IGFLR1: variants seen among roughly 807,000 people sequenced by gnomAD.
The protein encoded by IGFLR1 is IGF-like family receptor 1.
A neutral mutation model predicts 23.4 loss-of-function variants in IGFLR1; 17 were observed. The ratio of observed to expected loss-of-function variants is 0.73; its 90% CI spans 0.50 to 1.09. The LOEUF is 1.09. Ranked by LOEUF, IGFLR1 falls within the 50% of genes least tolerant of loss-of-function variation. IGFLR1 has a pLI of 0.00. For missense variants in IGFLR1, 556 were observed against 459.2 expected (o/e 1.21, Z -1.93); for synonymous variants, 265 against 210.7 (o/e 1.26, Z -2.23).
chr19:35,738,877 G>A lies in IGFLR1; in HGVS notation c.*403C>T, dbSNP rs2146484601. The A allele has an allele frequency of 2.1e-6, 1 of 469,016 alleles. No individual in the cohort carries two copies. The highest frequency in any genetic ancestry group is 3.8e-6 in the Non-Finnish European group (1 of 263,882). 29.1% of individuals were successfully genotyped at this position (469,016 alleles called of 1,614,324 possible). On this transcript the variant is annotated 3_prime_UTR_variant, in exon 5 of 5. Transcript: ENST00000246532. This position sits in a 1 kb window ranked among gnomAD's most constrained non-coding sequence, Gnocchi z 8.7. ...CCACAATAAAGTCTGTCAATGTTTG[G>A]AGAGGTGGTCTTCCCATTTGTAGGC...
At chr19:35,740,794 T>G in intron 2 of IGFLR1, 1 of 634,074 alleles carries the variant, frequency 1.6e-6, no homozygotes, top group Non-Finnish European at 2.7e-6. Flanking sequence ...GCCCACCCTT[T>G]CCACGCGGCC....
intron 2 of IGFLR1, 116 bp downstream of exon 2, chr19:35,740,908 C>A (rs1394044647): frequency 7.2e-6 from 7 of 972,276 alleles, no homozygotes; most frequent in Non-Finnish European, 1.1e-5. Context: ...GCATAAGGCC[C>A]ACCGCTTAGA....
rs1162605469 is a variant in IGFLR1, at chr19:35,739,378, A to G, written c.970T>C (p.Ser324Pro). 8.7e-6 allele frequency: 14 copies of G among 1,613,050 alleles called. No homozygotes were observed. The highest frequency in any genetic ancestry group is 1.7e-4 in the Middle Eastern group (1 of 6,056). ...EMVVAREPSA[S>P]LGQLGTHLAQ... is the part of the protein sequence containing the mutation. Reference sequence around the variant, plus strand: ...AGGTGTGTGCCAAGCTGGCCCAGGGAGGCAGAGGGCTCCCTTGCCACCACC... The same window carrying G: ...AGGTGTGTGCCAAGCTGGCCCAGGGGGGCAGAGGGCTCCCTTGCCACCACC... The change falls in exon 5 of 5, where the codon TCC becomes CCC. Residue 324 changes from serine (S) to proline (P), a missense_variant. Ser to Pro is a moderately conservative substitution (Grantham distance 74). Transcript: ENST00000246532.
rs768859713 is a variant in IGFLR1, at chr19:35,739,398, A to G, written c.950T>C (p.Val317Ala). The change falls in exon 5 of 5, where the codon GTG becomes GCG. Residue 317 changes from valine to alanine, a missense_variant. Coordinates refer to ENST00000246532, the MANE Select transcript of IGFLR1 (RefSeq NM_024660.4). ...CAGGGAGGCAGAGGGCTCCCTTGCC[A>G]CCACCATCTCAATCAGAGCCCGCAG... ...SPLRALIEMV[V>A]AREPSASLGQ... 2 of 1,613,596 alleles carry G rather than the reference A, an allele frequency of 1.2e-6. No individual in the cohort carries two copies. Among genetic ancestry groups the G allele is most frequent in the South Asian group, 2.2e-5 (2 of 91,042 alleles).
At chr19:35,741,262 G>T in intron 1 of IGFLR1, 39 bp from the exon 2 acceptor site, 1 of 1,553,428 alleles carries the variant, frequency 6.4e-7, no homozygotes, top group Non-Finnish European at 8.7e-7. Flanking sequence ...GAAAGGACGC[G>T]GTGATGTGGG....
In IGFLR1 at chr19:35,740,362, C is replaced by T; in HGVS notation, c.342+18G>A. ...CACCTCCAGCACGCCCTTGCCCTGC[C>T]GGGAGTCCCATCTGCACCTCTCTGC... On this transcript the variant is annotated intron_variant, in intron 3 of 4. Coordinates refer to ENST00000246532, the MANE Select transcript of IGFLR1 (RefSeq NM_024660.4). The T allele has an allele frequency of 6.4e-7, 1 of 1,555,472 alleles. No individual in the cohort carries two copies. Among genetic ancestry groups the T allele is most frequent in the Non-Finnish European group, 8.7e-7 (1 of 1,151,522 alleles).
In IGFLR1 at chr19:35,740,393, C is replaced by A; in HGVS notation, c.329G>T (p.Trp110Leu). Residue 110 changes from tryptophan (W) to leucine (L), a missense_variant, in exon 3 of 5, where the codon TGG (tryptophan) becomes TTG (leucine). By Grantham distance (61) the Trp-to-Leu change is moderately conservative (BLOSUM62 -2). Transcript: ENST00000246532. ...TCCCATCTGCACCTCTCTGCAGCGC[C>A]ACGGGGTTCTGCCCCCGCCCGCGGC... ...TPAAGGGRTPWRCRERPVPAK... is the reference protein window; with the variant it reads ...TPAAGGGRTPLRCRERPVPAK... 6.3e-7 allele frequency: 1 copy of A among 1,599,664 alleles called. No individual in the cohort carries two copies. Among genetic ancestry groups the A allele is most frequent in the Non-Finnish European group, 8.5e-7 (1 of 1,174,156 alleles).
At position 35,740,041 on chromosome 19, in the gene IGFLR1, T is replaced by A; in HGVS notation, c.390A>T (p.Pro130=). Residue 130 remains proline, a synonymous_variant, in exon 4 of 5, where the codon CCA becomes CCT. Coordinates refer to ENST00000246532, the MANE Select transcript of IGFLR1 (RefSeq NM_024660.4). ...KGHCPLTPGN[P]GAPSSQERSS... is the part of the protein sequence containing the mutation. ...TGCGCTCCTGGGAGCTAGGGGCGCC[T>A]GGGTTTCCAGGTGTGAGGGGGCAGT... The A allele has an allele frequency of 6.2e-7, 1 of 1,613,834 alleles. No homozygotes were observed. Among genetic ancestry groups the A allele is most frequent in the Non-Finnish European group, 8.5e-7 (1 of 1,179,920 alleles).
chr19:35,739,389 T>A lies in IGFLR1; in HGVS notation c.959A>T (p.Glu320Val). ...AAGCTGGCCCAGGGAGGCAGAGGGC[T>A]CCCTTGCCACCACCATCTCAATCAG... The part of the protein sequence containing the change: ...RALIEMVVAR[E>V]PSASLGQLGT... Residue 320 changes from glutamate to valine, a missense_variant, in exon 5 of 5, where the codon GAG becomes GTG. Transcript: ENST00000246532. 6.2e-7 allele frequency: 1 copy of A among 1,613,326 alleles called. No homozygotes were observed. The highest frequency in any genetic ancestry group is 8.5e-7 in the Non-Finnish European group (1 of 1,179,812).
Position 35,740,091 on chromosome 19 carries a change from G to A in IGFLR1, c.343-3C>T, listed in dbSNP as rs369058182. ...TGCCCCTTGGCAGGGACCGGCCTCT[G>A]GGGATAAGGGGTTGGAGTAAAGCTG... is the stretch of plus-strand genomic sequence containing the variant. On this transcript the variant is annotated splice_polypyrimidine_tract_variant and splice_region_variant and intron_variant, in intron 3 of 4. Transcript: ENST00000246532. 1 of 1,607,502 alleles carries A rather than the reference G, an allele frequency of 6.2e-7. No individual in the cohort carries two copies. The highest frequency in any genetic ancestry group is 8.5e-7 in the Non-Finnish European group (1 of 1,177,956).
In IGFLR1 at chr19:35,739,337, C is replaced by T. The variant is rs536283902; in HGVS notation, c.1011G>A (p.Arg337=). ...QLGTHLAQLG[R]ADALRVLSKL... is the part of the protein sequence containing the mutation. Reference sequence around the variant, plus strand: ...TGGACAGCACCCGCAATGCATCTGCCCGCCCTAGCTGGGCGAGGTGTGTGC... The same window carrying T: ...TGGACAGCACCCGCAATGCATCTGCTCGCCCTAGCTGGGCGAGGTGTGTGC... Residue 337 remains arginine (R), a synonymous_variant, in exon 5 of 5, where the codon CGG becomes CGA. Transcript: ENST00000246532. 1 of 1,610,016 alleles carries T rather than the reference C, an allele frequency of 6.2e-7. No homozygotes were observed. The highest frequency in any genetic ancestry group is 1.3e-5 in the African/African-American group (1 of 74,884).
At position 35,741,255 on chromosome 19, in the gene IGFLR1, A is replaced by T. The variant is rs182036503; in HGVS notation, c.-43-32T>A. 8.6e-3 allele frequency: 13,462 copies of T among 1,572,664 alleles called. 79 individuals are homozygous for T. Among genetic ancestry groups the T allele is most frequent in the Non-Finnish European group, 0.01 (11,744 of 1,164,142 alleles). ...TTTCCGGGGAAATCGGGCAGAAGAA[A>T]GGACGCGGTGATGTGGGGGAACAGA... On this transcript the variant is annotated intron_variant, in intron 1 of 4. Coordinates refer to ENST00000246532, the MANE Select transcript of IGFLR1 (RefSeq NM_024660.4).
chr19:35,740,735 C>T, intron 2 of IGFLR1, 171 bp from the exon 3 acceptor site: 1 of 693,002 alleles, frequency 1.4e-6, no homozygotes, highest in Non-Finnish European at 2.4e-6. Flanking sequence ...CACCCCCCTC[C>T]AGCCTGCTCC....
chr19:35,739,225 C>T lies in IGFLR1; in HGVS notation c.*55G>A. On this transcript the variant is annotated 3_prime_UTR_variant, in exon 5 of 5. Transcript: ENST00000246532. ...AATTAGGATTGTACTTCAAGAAGTA[C>T]TTCAGTGCTAATTGTATACTGGGCT... 1 of 1,415,754 alleles carries T rather than the reference C, an allele frequency of 7.1e-7. No individual in the cohort carries two copies. Among genetic ancestry groups the T allele is most frequent in the Admixed American group, 2.4e-5 (1 of 41,838 alleles). The allele number at this position is 1,415,754 out of a possible 1,614,324, so 87.7% of individuals were successfully genotyped here.
At chr19:35,741,374 G>T in intron 1 of IGFLR1, 151 bp from the exon 2 acceptor site, 1 of 702,614 alleles carries the variant, frequency 1.4e-6, no homozygotes, top group Non-Finnish European at 2.4e-6. Context: ...GCCACTAGGG[G>T]ACTAACAGGG....
chr19:35,739,170 G>T lies in IGFLR1; in HGVS notation c.*110C>A. 2.8e-6 allele frequency: 3 copies of T among 1,056,076 alleles called. No homozygotes were observed. Among genetic ancestry groups the T allele is most frequent in the Non-Finnish European group, 4.1e-6 (3 of 739,106 alleles). 65.4% of individuals were successfully genotyped at this position (1,056,076 alleles called of 1,614,324 possible). On this transcript the variant is annotated 3_prime_UTR_variant, in exon 5 of 5. Coordinates refer to ENST00000246532, the MANE Select transcript of IGFLR1 (RefSeq NM_024660.4). ...GGAATAGGCCCTTCTAGGGCGAAGA[G>T]CAGTGAGGCTATCTGTTGGGTCTTT...
chr19:35,742,163 CAG>C (rs894461623), intron 1 of IGFLR1, among the ~76,000 whole-genome samples: 1 of 152,192 alleles, frequency 6.6e-6, no homozygotes, highest in Non-Finnish European at 1.5e-5. Flanking sequence ...ACAGTAAACT[CAG>C]TGTTTAAGTG....
intron 2 of IGFLR1, 95 bp from the exon 3 acceptor site, chr19:35,740,659 T>C (rs1439338283): frequency 9.1e-6 from 11 of 1,215,348 alleles, no homozygotes; most frequent in South Asian, 3.0e-5. Flanking sequence ...GCCCCGCCCC[T>C]CCAGGACGCT....
rs752571785 is a variant in IGFLR1 at position 35,741,032 on chromosome 19, G to C, written c.149C>G (p.Pro50Arg). 3.3e-5 allele frequency: 53 copies of C among 1,610,990 alleles called. No individual in the cohort carries two copies. The Middle Eastern group carries it at 5.1e-4, about 16-fold the overall frequency. Residue 50 changes from proline (P) to arginine (R), a missense_variant, in exon 2 of 5, where the codon CCC (proline) becomes CGC (arginine). Physicochemically the swap from Pro to Arg is moderately radical, Grantham distance 103 (BLOSUM62 -2). Transcript: ENST00000246532. The part of the protein sequence containing the change: ...SSCLQRFGPP[P>R]CPDYEFRENC... ...CGGTCTCGGATTCTCACCCGGGCAG[G>C]GGGGCGGCCCGAAGCGTTGCAGGCA...
Sources: gnomAD v4.1 joint callset for allele counts (sites outside exome capture counted in the v4.1 genomes callset) on GRCh38, gnomAD v4.1.1 for gene constraint, Gnocchi (gnomAD v3.1) non-coding constraint, MANE v1.5 for transcripts, NCBI Gene and HGNC (gene_info 2026-07-23, HGNC 2026-07-21) for gene names.